Variants in RIMBP2 observed in about 807,000 individuals in gnomAD.
The protein encoded by RIMBP2 is RIMS-binding protein 2.
A neutral mutation model predicts 118.6 loss-of-function variants in RIMBP2; 48 were observed. The observed-to-expected ratio is 0.40, with a 90% CI of 0.32 to 0.51. The LOEUF (loss-of-function observed/expected upper bound fraction) is 0.51. RIMBP2 is among the 20% of genes least tolerant of loss of function. The pLI is 0.41. For synonymous variants in RIMBP2, 762 were observed against 742.9 expected (o/e 1.03, Z -0.42); for missense variants, 1,551 against 1,768.3 (o/e 0.88, Z 2.20).
In RIMBP2 at chr12:130,702,297, A is replaced by G. The variant is rs567349492; in HGVS notation, c.-352+13925T>C. Among the ~76,000 whole-genome samples, 5 of 152,222 alleles carry G rather than the reference A, an allele frequency of 3.3e-5. No individual in the cohort carries two copies. The South Asian group carries it at 1.0e-3, about 32-fold the overall frequency. ...TTTGGGAGGCCCAGGTGGGTGGATC[A>G]CCTGAGGTCGGGAGTTCGAGACCAG... On this transcript the variant is annotated intron_variant, in intron 1 of 22. Coordinates refer to ENST00000690449, the MANE Select transcript of RIMBP2 (RefSeq NM_001393629.1).
At chr12:130,451,168 C>T (rs758970973) in intron 8 of RIMBP2, 27 bp downstream of exon 8, 9 of 1,608,292 alleles carry the variant, frequency 5.6e-6, no homozygotes, top group Admixed American at 3.3e-5. Context: ...CAGGCAGCCC[C>T]GGCAGCCCCT....
In RIMBP2 at chr12:130,451,265, G is replaced by A. The variant is rs1422603625; in HGVS notation, c.434C>T (p.Pro145Leu). 11 of 1,614,134 alleles carry A rather than the reference G, an allele frequency of 6.8e-6. No homozygotes were observed. Among genetic ancestry groups the A allele is most frequent in the South Asian group, 3.3e-5 (3 of 91,080 alleles). Residue 145 changes from proline (P) to leucine (L), a missense_variant, in exon 8 of 23, where the codon CCG becomes CTG. Physicochemically the swap from Pro to Leu is moderately conservative, Grantham distance 98. Transcript: ENST00000690449. The stretch of plus-strand genomic sequence containing the variant: ...GGTGGGCTTGGCGGACAGAGGCTCC[G>A]GCCTGTCACCAGGCTGCGGAAGGGG... ...IRPLPQPGDRPEPLSAKPTFL... is the reference protein window; with the variant it reads ...IRPLPQPGDRLEPLSAKPTFL...
In RIMBP2 at chr12:130,550,482, T is replaced by C. The variant is rs1052172787; in HGVS notation, c.-216-32565A>G. ...GAAGGGCGTCTGTACTTTAATTATATTGGGTGAATGTTGGTGTCCAGGCTG... is the reference window on the plus strand; with the variant it reads ...GAAGGGCGTCTGTACTTTAATTATACTGGGTGAATGTTGGTGTCCAGGCTG... On this transcript the variant is annotated intron_variant, in intron 2 of 22. Coordinates refer to ENST00000690449, the MANE Select transcript of RIMBP2 (RefSeq NM_001393629.1). 2.0e-5 allele frequency among the ~76,000 whole-genome samples: 3 copies of C among 152,150 alleles called. No homozygotes were observed. The South Asian group carries it at 6.2e-4, about 32-fold the overall frequency.
rs1376325363 is a variant in RIMBP2, at chr12:130,528,615, A to T, written c.-216-10698T>A. On this transcript the variant is annotated intron_variant, in intron 2 of 22. Transcript: ENST00000690449. ...CATGTACCCCATAACTTAAAATAAA[A>T]ATGTCTCTCAATAATTGTACTTCAT... is the stretch of plus-strand genomic sequence containing the variant. Among the ~76,000 whole-genome samples, 14 of 152,324 alleles carry T rather than the reference A, an allele frequency of 9.2e-5. No individual in the cohort carries two copies. In the South Asian group the frequency reaches 2.9e-3, roughly 32 times the overall value.
At chr12:130,496,876 G>A (rs561077364) in intron 4 of RIMBP2, among the ~76,000 whole-genome samples, 6 of 152,310 alleles carry the variant, frequency 3.9e-5, no homozygotes, top group Non-Finnish European at 5.9e-5. Context: ...CGATGTCACT[G>A]AGCAGAGTAC....
intron 3 of RIMBP2, among the ~76,000 whole-genome samples, chr12:130,516,899 C>T (rs2051522584): frequency 6.6e-6 from 1 of 152,098 alleles, no homozygotes. Context: ...CTAGACAGGC[C>T]AGTTAGGAAA....
rs1017513416 is a variant in RIMBP2 at position 130,602,702 on chromosome 12, C to T, written c.-217+25620G>A. Among the ~76,000 whole-genome samples, 10 of 152,342 alleles carry T rather than the reference C, an allele frequency of 6.6e-5. No individual in the cohort carries two copies. In the East Asian group the frequency reaches 1.5e-3, roughly 24 times the overall value. ...AAAGAATTGAACAAACAGATGTAGA[C>T]GGTCGCATGACAGAAGAATTCGCCA... On this transcript the variant is annotated intron_variant, in intron 2 of 22. Transcript: ENST00000690449.
At position 130,501,507 on chromosome 12, in the gene RIMBP2, A is replaced by G. The variant is rs192320604; in HGVS notation, c.-4+5141T>C. Among the ~76,000 whole-genome samples the G allele has an allele frequency of 2.0e-5, 3 of 152,324 alleles. No homozygotes were observed. The East Asian group carries it at 5.8e-4, about 29-fold the overall frequency. ...GTAGAAGCACCTTCCCATGAGACGC[A>G]CCGCAGTGCCATGTCAGTTTACCAT... On this transcript the variant is annotated intron_variant, in intron 4 of 22. Coordinates refer to ENST00000690449, the MANE Select transcript of RIMBP2 (RefSeq NM_001393629.1).
intron 2 of RIMBP2, among the ~76,000 whole-genome samples, chr12:130,616,785 C>T (rs2060968617): frequency 6.6e-6 from 1 of 152,222 alleles, no homozygotes; most frequent in Non-Finnish European, 1.5e-5. Flanking sequence ...TTCTACATCG[C>T]CATGTGGCAG....
At position 130,701,463 on chromosome 12, in the gene RIMBP2, C is replaced by T. The variant is rs1039649934; in HGVS notation, c.-352+14759G>A. On this transcript the variant is annotated intron_variant, in intron 1 of 22. Transcript: ENST00000690449. ...AAGACACAAGGGTTCCAAAGAATGC[C>T]GACAGCCAGTAGGTCCCATATCACA... 2.0e-5 allele frequency among the ~76,000 whole-genome samples: 3 copies of T among 152,140 alleles called. No homozygotes were observed. In the East Asian group the frequency reaches 5.8e-4, roughly 29 times the overall value.
intron 2 of RIMBP2, among the ~76,000 whole-genome samples, chr12:130,594,353 G>C (rs183489530): frequency 1.6e-4 from 24 of 152,328 alleles, no homozygotes; most frequent in Admixed American, 1.2e-3. Context: ...ATTATGACCA[G>C]TATTTTGTAA....
At chr12:130,512,598 C>G (rs899068724) in intron 3 of RIMBP2, among the ~76,000 whole-genome samples, 6 of 152,210 alleles carry the variant, frequency 3.9e-5, no homozygotes, top group Non-Finnish European at 4.4e-5. Context: ...GCTGGGATTA[C>G]AGGCGTGAGC....
At position 130,447,863 on chromosome 12, in the gene RIMBP2, C is replaced by T. The variant is rs1461512946; in HGVS notation, c.581+2337G>A. Among the ~76,000 whole-genome samples the T allele has an allele frequency of 6.6e-6, 1 of 152,152 alleles. No individual in the cohort carries two copies. Among genetic ancestry groups the T allele is most frequent in the African/African-American group, 2.4e-5 (1 of 41,440 alleles). On this transcript the variant is annotated intron_variant, in intron 9 of 22. Coordinates refer to ENST00000690449, the MANE Select transcript of RIMBP2 (RefSeq NM_001393629.1). This position sits in a 1 kb window ranked among gnomAD's most constrained non-coding sequence, Gnocchi z 4.4. ...GCATGGAGGGCGGGGAGAGGCCGCT[C>T]GGCACCCAGAGTGAGCGCCCAGGTG...
intron 16 of RIMBP2, among the ~76,000 whole-genome samples, chr12:130,423,656 CAAAAA>C (rs36000671): frequency 8.0e-5 from 4 of 50,130 alleles, no homozygotes; most frequent in African/African-American, 2.4e-4. Context: ...AAACAATATG[CAAAAA>C]AAAAAAAAAA....
intron 2 of RIMBP2, among the ~76,000 whole-genome samples, chr12:130,577,148 G>A (rs1041429705): frequency 2.0e-5 from 3 of 152,144 alleles, no homozygotes; most frequent in African/African-American, 4.8e-5. Context: ...TATTCACTGT[G>A]TGACCTTGTA....
At chr12:130,612,093 G>A (rs2140618815) in intron 2 of RIMBP2, among the ~76,000 whole-genome samples, 1 of 152,230 alleles carries the variant, frequency 6.6e-6, no homozygotes, top group South Asian at 2.1e-4. Flanking sequence ...TGCCAGGGCA[G>A]GTGCTCAGAC....
chr12:130,701,847 G>A (rs78740079), intron 1 of RIMBP2, among the ~76,000 whole-genome samples: 1 of 152,200 alleles, frequency 6.6e-6, no homozygotes, highest in African/African-American at 2.4e-5. Flanking sequence ...CCGGGATCAG[G>A]GTTGCCATGG....
At chr12:130,650,031 A>G (rs1029037018) in intron 1 of RIMBP2, among the ~76,000 whole-genome samples, 2 of 149,306 alleles carry the variant, frequency 1.3e-5, no homozygotes, top group African/African-American at 4.9e-5. Context: ...TGAAGCTGAA[A>G]AAAAAAAACC....
Position 130,424,487 on chromosome 12 carries a change from G to A in RIMBP2, c.2784C>T (p.Asp928=), listed in dbSNP as rs376280403. The change falls in exon 16 of 23, where the codon GAC becomes GAT. Residue 928 remains aspartate, a synonymous_variant. Coordinates refer to ENST00000690449, the MANE Select transcript of RIMBP2 (RefSeq NM_001393629.1). The surrounding 1 kb of genome is among the most constrained non-coding windows in gnomAD (Gnocchi z 9.8). ...DSGLDCGSEE[D]ESRFGFGNTV... is the part of the protein sequence containing the mutation. ...TGTTTCCGAAGCCAAACCGCGACTC[G>A]TCCTCTTCACTCCCACAGTCCAGGC... The A allele has an allele frequency of 4.5e-5, 55 of 1,232,120 alleles. No homozygotes were observed. The South Asian group carries it at 5.3e-4, about 12-fold the overall frequency. 76.3% of individuals were successfully genotyped at this position (1,232,120 alleles called of 1,614,324 possible).
Sources: allele counts gnomAD v4.1 joint callset (sites outside exome capture counted in the v4.1 genomes callset), GRCh38; gene constraint gnomAD v4.1.1; non-coding constraint Gnocchi (gnomAD v3.1); transcripts MANE v1.5; gene names NCBI Gene and HGNC (gene_info 2026-07-23, HGNC 2026-07-21).